Variants in MAPKAP1 observed in about 807,000 individuals in gnomAD.
MAPKAP1 encodes MAPK associated protein 1.
A neutral mutation model predicts 65.7 loss-of-function variants in MAPKAP1; 20 were observed. The observed-to-expected ratio is 0.30, with a 90% CI of 0.21 to 0.44. MAPKAP1 has a LOEUF of 0.44. Among genes scored for constraint, MAPKAP1 ranks in the 20% least tolerant of loss-of-function variants. MAPKAP1 has a pLI of 1.00. For synonymous variants in MAPKAP1, 222 were observed against 244.3 expected, an observed-to-expected ratio of 0.91 and a Z score of 0.85; for missense variants, 423 against 648.0, an observed-to-expected ratio of 0.65 and a Z score of 3.77.
At chr9:125,572,258 G>A (rs1195178050) in intron 5 of MAPKAP1, among the ~76,000 whole-genome samples, 1 of 152,138 alleles carries the variant, frequency 6.6e-6, no homozygotes, top group Non-Finnish European at 1.5e-5. Flanking sequence ...AAGAGGAGAG[G>A]AATTTACTCA....
chr9:125,637,179 G>A (rs1349857466), intron 4 of MAPKAP1, among the ~76,000 whole-genome samples: 1 of 152,036 alleles, frequency 6.6e-6, no homozygotes, highest in Non-Finnish European at 1.5e-5. Context: ...TGAGGCAAGA[G>A]AATCACTTGA....
At chr9:125,601,168 GGTTATA>G (rs35188562) in intron 4 of MAPKAP1, among the ~76,000 whole-genome samples, 74,577 of 151,112 alleles carry the variant, frequency 0.49, 18,946 homozygotes, top group East Asian at 0.67. Context: ...CTCTAAAAAA[GGTTATA>G]GTACAGCCAT....
At chr9:125,696,992 A>T (rs976127863) in intron 1 of MAPKAP1, among the ~76,000 whole-genome samples, 6 of 152,212 alleles carry the variant, frequency 3.9e-5, no homozygotes, top group Admixed American at 3.3e-4. Context: ...ACTCCCTCTG[A>T]AAGTAAAGAC....
intron 8 of MAPKAP1, among the ~76,000 whole-genome samples, chr9:125,485,937 C>T (rs1274114408): frequency 6.6e-6 from 1 of 152,104 alleles, no homozygotes; most frequent in Non-Finnish European, 1.5e-5. Context: ...TATTTTTCTT[C>T]TAGTGTCAGG....
chr9:125,613,867 A>G (rs550402934), intron 4 of MAPKAP1, among the ~76,000 whole-genome samples: 207 of 151,238 alleles, frequency 1.4e-3, no homozygotes, highest in Non-Finnish European at 2.3e-3. Flanking sequence ...GCGCGATCTC[A>G]GCTCACTGCA....
In MAPKAP1 at chr9:125,625,237, A is replaced by T. The variant is rs1460253566; in HGVS notation, c.498+32414T>A. 2.3e-3 allele frequency among the ~76,000 whole-genome samples: 20 copies of T among 8,644 alleles called. 1 individual carries two copies. The highest frequency in any genetic ancestry group is 2.9e-3 in the African/African-American group (20 of 6,806). The allele number at this position is 8,644 out of a possible 152,430, so 5.7% of individuals were successfully genotyped here. The stretch of plus-strand genomic sequence containing the variant: ...TGAGAAACACCCAAGAATTATCAAT[A>T]AAAAAAAAATAAATAAATAAAAAAA... On this transcript the variant is annotated intron_variant, in intron 4 of 11. Transcript: ENST00000265960.
chr9:125,439,836 C>T lies in MAPKAP1; in HGVS notation c.1444-824G>A, dbSNP rs538326016. 3.4e-3 allele frequency among the ~76,000 whole-genome samples: 514 copies of T among 152,370 alleles called. 2 individuals carry two copies. The highest frequency in any genetic ancestry group is 0.017 in the Middle Eastern group (5 of 294). On this transcript the variant is annotated intron_variant, in intron 11 of 11. Transcript: ENST00000265960. This position sits in a 1 kb window ranked among gnomAD's most constrained non-coding sequence, Gnocchi z 4.0. The stretch of plus-strand genomic sequence containing the variant: ...AGCTTGCTGCCTGGTGAGTGGGTGT[C>T]CAGCAGCAGAACCAGCACTGCAGCA...
At chr9:125,698,561 C>T (rs1484118097) in intron 1 of MAPKAP1, among the ~76,000 whole-genome samples, 1 of 151,448 alleles carries the variant, frequency 6.6e-6, no homozygotes, top group Non-Finnish European at 1.5e-5. Context: ...AGGCTGGTCT[C>T]GAACTCCTGA....
intron 1 of MAPKAP1, among the ~76,000 whole-genome samples, chr9:125,699,143 A>C (rs1835521319): frequency 6.6e-6 from 1 of 152,204 alleles, no homozygotes; most frequent in African/African-American, 2.4e-5. Flanking sequence ...ACACAAGTCT[A>C]AACACGCAAT....
intron 6 of MAPKAP1, among the ~76,000 whole-genome samples, chr9:125,543,995 C>T (rs182595239): frequency 2.0e-5 from 3 of 152,008 alleles, no homozygotes; most frequent in African/African-American, 4.8e-5. Flanking sequence ...CTCTAACTAG[C>T]TAGTAAATAT....
chr9:125,563,270 C>A (rs994876699), intron 5 of MAPKAP1, among the ~76,000 whole-genome samples: 1 of 152,218 alleles, frequency 6.6e-6, no homozygotes, highest in Non-Finnish European at 1.5e-5. Context: ...ATACAGACAT[C>A]TCAGAGTTTA....
chr9:125,440,547 G>A (rs538503273), intron 11 of MAPKAP1, among the ~76,000 whole-genome samples: 2 of 152,236 alleles, frequency 1.3e-5, no homozygotes, highest in Non-Finnish European at 2.9e-5. Context: ...GCCAGAGGGA[G>A]AGGAGCTTCT....
intron 10 of MAPKAP1, among the ~76,000 whole-genome samples, chr9:125,448,153 T>C (rs1251295958): frequency 1.3e-5 from 2 of 151,624 alleles, no homozygotes; most frequent in African/African-American, 4.9e-5. Context: ...CAGGTAGGAG[T>C]GAGTGCAGTT....
At chr9:125,615,538 CA>C (rs58426049) in intron 4 of MAPKAP1, among the ~76,000 whole-genome samples, 20,816 of 108,892 alleles carry the variant, frequency 0.19, 1,832 homozygotes, top group Non-Finnish European at 0.25. Flanking sequence ...ACTAAAAATA[CA>C]AAAAAAAAAA....
rs1336486082 is a variant in MAPKAP1 at position 125,520,836 on chromosome 9, C to T, written c.959-14419G>A. 2.0e-5 allele frequency among the ~76,000 whole-genome samples: 3 copies of T among 152,340 alleles called. No individual in the cohort carries two copies. The East Asian group carries it at 5.8e-4, about 29-fold the overall frequency. On this transcript the variant is annotated intron_variant, in intron 7 of 11. Transcript: ENST00000265960. Reference sequence around the variant, plus strand: ...GGAGATTCCCATTAGTGTCCCAACTCTGACTGGGTTTCCTAGGGATGGATG... The same window carrying T: ...GGAGATTCCCATTAGTGTCCCAACTTTGACTGGGTTTCCTAGGGATGGATG...
chr9:125,480,963 C>T (rs533320399), intron 9 of MAPKAP1, among the ~76,000 whole-genome samples: 2 of 116,536 alleles, frequency 1.7e-5, no homozygotes, highest in Non-Finnish European at 3.3e-5. Flanking sequence ...CAGAGCGAGA[C>T]TCCGTTTCGG....
At position 125,503,880 on chromosome 9, in the gene MAPKAP1, C is replaced by CTTT. The variant is rs35867576; in HGVS notation, c.1066+2427_1066+2429dup. Reference sequence around the variant, plus strand: ...TATAGGCACCCGCCACCACGCTTGGCTTTTTTTTTTTTTTTTTTTTTTTTT... The same window carrying CTTT: ...TATAGGCACCCGCCACCACGCTTGGCTTTTTTTTTTTTTTTTTTTTTTTTTTTT... On this transcript the variant is annotated intron_variant, in intron 8 of 11. Transcript: ENST00000265960. Among the ~76,000 whole-genome samples the CTTT allele has an allele frequency of 5.1e-3, 337 of 66,184 alleles. 33 individuals are homozygous for CTTT. Among genetic ancestry groups the CTTT allele is most frequent in the Non-Finnish European group, 6.6e-3 (262 of 39,526 alleles). The allele number at this position is 66,184 out of a possible 152,430, so 43.4% of individuals were successfully genotyped here. A position where few individuals can be genotyped will look rare whatever the true frequency, so the allele number is the denominator to read the frequency against.
At chr9:125,545,681 A>G (rs1342164134) in intron 6 of MAPKAP1, among the ~76,000 whole-genome samples, 1 of 152,216 alleles carries the variant, frequency 6.6e-6, no homozygotes, top group Non-Finnish European at 1.5e-5. Flanking sequence ...TAAAAGCTCA[A>G]AAGGAAGCCT....
intron 5 of MAPKAP1, among the ~76,000 whole-genome samples, chr9:125,576,278 C>G (rs887069600): frequency 2.0e-5 from 3 of 152,178 alleles, no homozygotes; most frequent in Non-Finnish European, 4.4e-5. Context: ...TAATGTATAA[C>G]TGCTGGCTTT....
Sources: gnomAD v4.1 joint callset for allele counts (sites outside exome capture counted in the v4.1 genomes callset) on GRCh38, gnomAD v4.1.1 for gene constraint, Gnocchi (gnomAD v3.1) non-coding constraint, MANE v1.5 for transcripts, NCBI Gene and HGNC (gene_info 2026-07-23, HGNC 2026-07-21) for gene names.